COL24A1: variants seen among roughly 807,000 people sequenced by gnomAD.
COL24A1 encodes the protein collagen alpha-1(XXIV) chain.
In COL24A1, 224 loss-of-function variants were observed where a neutral mutation model predicts 253.9. That is an observed-to-expected ratio of 0.88 (90% CI 0.79 to 0.99). The LOEUF is 0.99. Among genes scored for constraint, COL24A1 ranks in the 50% least tolerant of loss-of-function variants. The pLI is 0.00. For synonymous variants in COL24A1, 685 were observed against 673.7 expected (o/e 1.02, Z -0.26); for missense variants, 2,131 against 2,068.5 (o/e 1.03, Z -0.59).
At chr1:86,109,615 T>A (rs573250274) in intron 5 of COL24A1, among the ~76,000 whole-genome samples, 1 of 152,182 alleles carries the variant, frequency 6.6e-6, no homozygotes, top group Admixed American at 6.5e-5. Context: ...TTAACCCCAA[T>A]CTATATGATT....
chr1:85,967,626 C>CACTGGGGGAGAGCA (rs1355738548), intron 22 of COL24A1, among the ~76,000 whole-genome samples: 1 of 152,086 alleles, frequency 6.6e-6, no homozygotes, highest in Non-Finnish European at 1.5e-5. Context: ...AGGATAAGAT[C>CACTGGGGGAGAGCA]ACTGGGGGAG....
At chr1:86,061,668 T>A (rs1232696730) in intron 8 of COL24A1, among the ~76,000 whole-genome samples, 1 of 152,088 alleles carries the variant, frequency 6.6e-6, no homozygotes, top group Non-Finnish European at 1.5e-5. Context: ...AATCTTTATA[T>A]GGCATAAACG....
chr1:86,046,109 T>C (rs1376051073), intron 12 of COL24A1, among the ~76,000 whole-genome samples: 1 of 152,216 alleles, frequency 6.6e-6, no homozygotes, highest in African/African-American at 2.4e-5. Context: ...AGGATAAATG[T>C]TACAAAATGA....
At chr1:86,044,586 G>A (rs960891475) in intron 12 of COL24A1, among the ~76,000 whole-genome samples, 1 of 152,032 alleles carries the variant, frequency 6.6e-6, no homozygotes, top group Non-Finnish European at 1.5e-5. Flanking sequence ...TGAAAATTTT[G>A]TAATAAGAAG....
chr1:85,866,859 A>G (rs1420030108), intron 37 of COL24A1, among the ~76,000 whole-genome samples: 3 of 152,294 alleles, frequency 2.0e-5, no homozygotes, highest in South Asian at 4.1e-4. Context: ...ACAGTTCTCC[A>G]GGTCTGAGGG....
chr1:86,143,469 C>T (rs1036032736), intron 2 of COL24A1, among the ~76,000 whole-genome samples: 5 of 151,810 alleles, frequency 3.3e-5, no homozygotes, highest in African/African-American at 1.2e-4. Flanking sequence ...ACGTACATGG[C>T]TCAGTGATAA....
intron 31 of COL24A1, among the ~76,000 whole-genome samples, chr1:85,890,918 G>T (rs1558547736): frequency 6.6e-6 from 1 of 152,156 alleles, no homozygotes; most frequent in East Asian, 1.9e-4. Context: ...CAGATATGAA[G>T]TAGATAGAAC....
At chr1:86,066,187 G>A (rs1002853401) in intron 7 of COL24A1, among the ~76,000 whole-genome samples, 10 of 150,512 alleles carry the variant, frequency 6.6e-5, no homozygotes, top group African/African-American at 2.4e-4. Context: ...GCTGCAGACA[G>A]GATTGAAATA....
At chr1:86,085,899 T>A (rs1703026282) in intron 7 of COL24A1, among the ~76,000 whole-genome samples, 1 of 152,152 alleles carries the variant, frequency 6.6e-6, no homozygotes, top group Non-Finnish European at 1.5e-5. Flanking sequence ...AACCAAAAAA[T>A]CTATGAAAGA....
At chr1:85,735,901 A>G (rs1265699500) in intron 58 of COL24A1, among the ~76,000 whole-genome samples, 1 of 152,178 alleles carries the variant, frequency 6.6e-6, no homozygotes, top group Non-Finnish European at 1.5e-5. Context: ...AACAATAACA[A>G]CAAAAAGAAA....
intron 19 of COL24A1, among the ~76,000 whole-genome samples, chr1:85,993,383 G>T (rs1403833073): frequency 1.3e-5 from 2 of 151,522 alleles, no homozygotes; most frequent in African/African-American, 4.8e-5. Context: ...AAAACGAACA[G>T]CCTAGATGTG....
intron 43 of COL24A1, among the ~76,000 whole-genome samples, chr1:85,834,716 T>C (rs1214363704): frequency 6.6e-6 from 1 of 152,202 alleles, no homozygotes; most frequent in African/African-American, 2.4e-5. Context: ...GCTATTTATG[T>C]TTCCATTTAT....
intron 5 of COL24A1, among the ~76,000 whole-genome samples, chr1:86,103,564 CA>C (rs1273653728): frequency 2.0e-5 from 3 of 152,146 alleles, no homozygotes; most frequent in Non-Finnish European, 4.4e-5. Context: ...TCTTGTAAGG[CA>C]GGTCTGATGG....
intron 53 of COL24A1, among the ~76,000 whole-genome samples, chr1:85,775,042 A>C (rs1427816537): frequency 6.6e-6 from 1 of 152,194 alleles, no homozygotes; most frequent in Non-Finnish European, 1.5e-5. Context: ...ACTGCTTTAA[A>C]TGTATCCCAG....
At chr1:85,927,320 G>C (rs575143197) in intron 24 of COL24A1, among the ~76,000 whole-genome samples, 3 of 152,090 alleles carry the variant, frequency 2.0e-5, no homozygotes, top group African/African-American at 7.2e-5. Context: ...AAGGGGTGAC[G>C]GACGGCACCT....
At chr1:85,883,441 A>T (rs1490704992) in intron 32 of COL24A1, among the ~76,000 whole-genome samples, 1 of 151,916 alleles carries the variant, frequency 6.6e-6, no homozygotes, top group Non-Finnish European at 1.5e-5. Flanking sequence ...GGCTGGTCTC[A>T]AACTCCTGAC....
chr1:85,947,679 G>C (rs1689462265), intron 24 of COL24A1, among the ~76,000 whole-genome samples: 1 of 152,164 alleles, frequency 6.6e-6, no homozygotes. Context: ...TGAACTTCAA[G>C]TGGCATGTAT....
At chr1:85,834,557 G>A (rs1246119732) in intron 43 of COL24A1, among the ~76,000 whole-genome samples, 6 of 152,060 alleles carry the variant, frequency 3.9e-5, no homozygotes, top group South Asian at 2.1e-4. Context: ...GGCCAAGTTG[G>A]GATTTAGTTA....
intron 2 of COL24A1, among the ~76,000 whole-genome samples, chr1:86,132,091 T>G (rs992302725): frequency 2.0e-5 from 3 of 152,246 alleles, no homozygotes; most frequent in Non-Finnish European, 4.4e-5. Flanking sequence ...ACTGTGATTT[T>G]GATTTGCATT....
Sources: allele counts gnomAD v4.1 joint callset (sites outside exome capture counted in the v4.1 genomes callset), GRCh38; gene constraint gnomAD v4.1.1; transcripts MANE v1.5; gene names NCBI Gene and HGNC (gene_info 2026-07-23, HGNC 2026-07-21).